Variants in AHNAK observed in about 807,000 individuals in gnomAD.
The protein encoded by AHNAK is AHNAK nucleoprotein, also known as neuroblast differentiation-associated protein AHNAK.
A neutral mutation model predicts 37.8 loss-of-function variants in AHNAK; 23 were observed. That is an observed-to-expected ratio of 0.61 (90% confidence interval 0.44 to 0.86). The LOEUF (loss-of-function observed/expected upper bound fraction) is 0.86. Among genes scored for constraint, AHNAK ranks in the 40% least tolerant of loss-of-function variants. The probability of loss-of-function intolerance (pLI) is 0.00; values close to 1 mark genes in which losing one functional copy is unlikely to be tolerated. For synonymous variants in AHNAK, 2,481 were observed against 2,636.3 expected, an observed-to-expected ratio of 0.94 and a Z score of 1.80; for missense variants, 7,411 against 7,319.4, an observed-to-expected ratio of 1.01 and a Z score of -0.46.
intron 1 of AHNAK, among the ~76,000 whole-genome samples, chr11:62,540,691 G>C (rs1941094214): frequency 6.6e-6 from 1 of 152,204 alleles, no homozygotes; most frequent in Admixed American, 6.5e-5. Flanking sequence ...AGAAGGAGCA[G>C]GGCCAGAGTG....
At chr11:62,501,662 A>G (rs1223956489) in intron 4 of AHNAK, among the ~76,000 whole-genome samples, 2 of 152,272 alleles carry the variant, frequency 1.3e-5, no homozygotes, top group African/African-American at 4.8e-5. Context: ...TCCAGATGCC[A>G]CAAATACTCT....
rs1160341956 is a variant in AHNAK, at chr11:62,527,320, T to C, written c.7097A>G (p.Asn2366Ser). Residue 2366 changes from asparagine (N) to serine (S), a missense_variant, in exon 5 of 5, where the codon AAT becomes AGT. By Grantham distance (46) the Asn-to-Ser change is conservative (BLOSUM62 1). Coordinates refer to ENST00000378024, the MANE Select transcript of AHNAK (RefSeq NM_001620.3). ...GAACTTAGGAGTTTTCCACTTGCCA[T>C]TTGGGCCTTCCACAGCTACTTCTGG... ...DMPEVAVEGP[N>S]GKWKTPKFKM... The C allele has an allele frequency of 6.2e-7, 1 of 1,613,846 alleles. No individual in the cohort carries two copies.
chr11:62,546,405 T>TA (rs928638755), intron 1 of AHNAK, among the ~76,000 whole-genome samples: 3 of 152,126 alleles, frequency 2.0e-5, no homozygotes, highest in East Asian at 1.9e-4. Context: ...TCCGGAGAAA[T>TA]AAAGAGTGGA....
chr11:62,531,985 A>G lies in AHNAK; in HGVS notation c.2432T>C (p.Met811Thr), dbSNP rs1940769292. The G allele has an allele frequency of 3.1e-6, 5 of 1,613,994 alleles. No homozygotes were observed. The Admixed American group carries it at 8.3e-5, about 27-fold the overall frequency. Residue 811 changes from methionine (M) to threonine (T), a missense_variant, in exon 5 of 5, where the codon ATG becomes ACG. Transcript: ENST00000378024. ...LKGPKFKMPEMNIKVPKISMP... is the reference protein window; with the variant it reads ...LKGPKFKMPETNIKVPKISMP... ...GGAGATCTTGGGGACTTTGATGTTC[A>G]TCTCAGGCATCTTAAACTTGGGCCC... is the stretch of plus-strand genomic sequence containing the variant.
In AHNAK at chr11:62,526,727, C is replaced by G. The variant is rs781536197; in HGVS notation, c.7690G>C (p.Gly2564Arg). Residue 2564 changes from glycine (G) to arginine (R), a missense_variant, in exon 5 of 5, where the codon GGG (glycine) becomes CGG (arginine). Gly to Arg is a moderately radical substitution (Grantham distance 125, BLOSUM62 -2). Coordinates refer to ENST00000378024, the MANE Select transcript of AHNAK (RefSeq NM_001620.3). ...ATCTCTGGCATCTTTAACTTAGGCC[C>G]TTTCAACTTTCCCTCTGGTCCTTCA... ...NIEGPEGKLK[G>R]PKLKMPEMNI... 1 of 1,613,722 alleles carries G rather than the reference C, an allele frequency of 6.2e-7. No homozygotes were observed. The highest frequency in any genetic ancestry group is 8.5e-7 in the Non-Finnish European group (1 of 1,179,952).
At chr11:62,453,025 C>T (rs1446101786) in intron 5 of AHNAK, among the ~76,000 whole-genome samples, 1 of 151,966 alleles carries the variant, frequency 6.6e-6, no homozygotes, top group Non-Finnish European at 1.5e-5. Context: ...TCTGTTTCAA[C>T]AAAAAAGGTG....
Position 62,528,607 on chromosome 11 carries a change from T to C in AHNAK, c.5810A>G (p.Lys1937Arg), listed in dbSNP as rs746580843. The change falls in exon 5 of 5, where the codon AAA becomes AGA. Residue 1937 changes from lysine (K) to arginine (R), a missense_variant. Coordinates refer to ENST00000378024, the MANE Select transcript of AHNAK (RefSeq NM_001620.3). ...TGGCACCGACACATCCACATCCCCT[T>C]TGACTTTGGGGCCTTTCAAGTGTAA... ...VDLHLKGPKV[K>R]GDVDVSVPKL... The C allele has an allele frequency of 1.9e-6, 3 of 1,610,080 alleles. No homozygotes were observed. Among genetic ancestry groups the C allele is most frequent in the South Asian group, 2.2e-5 (2 of 90,714 alleles).
intron 4 of AHNAK, among the ~76,000 whole-genome samples, chr11:62,492,604 C>T (rs1190957690): frequency 1.3e-5 from 2 of 152,166 alleles, no homozygotes; most frequent in African/African-American, 4.8e-5. Flanking sequence ...TGCAGTGGCT[C>T]ACACCTGTAA....
chr11:62,518,417 C>T lies in AHNAK; in HGVS notation c.16000G>A (p.Val5334Ile). ...CCTCCCACCTGCATTTTGCCACCGA[C>T]ACCACTGAGGTTGAGCCCTGGAGCA... ...VHAPGLNLSG[V>I]GGKMQVGGDG... is the part of the protein sequence containing the mutation. The change falls in exon 5 of 5, where the codon GTC (valine) becomes ATC (isoleucine). Residue 5334 changes from valine (V) to isoleucine (I), a missense_variant. Transcript: ENST00000378024. 1 of 1,614,170 alleles carries T rather than the reference C, an allele frequency of 6.2e-7. No individual in the cohort carries two copies. The highest frequency in any genetic ancestry group is 2.2e-5 in the East Asian group (1 of 44,876).
In AHNAK at chr11:62,521,552, G is replaced by C. The variant is rs746360412; in HGVS notation, c.12865C>G (p.Pro4289Ala). The part of the protein sequence containing the change: ...LPKVEGDLKG[P>A]EVDIKGPKVD... ...TTGGGGCCCTTGATGTCAACTTCTGGGCCCTTGAGGTCACCTTCCACTTTA... is the reference window on the plus strand; with the variant it reads ...TTGGGGCCCTTGATGTCAACTTCTGCGCCCTTGAGGTCACCTTCCACTTTA... Residue 4289 changes from proline (P) to alanine (A), a missense_variant, in exon 5 of 5, where the codon CCA becomes GCA. Physicochemically the swap from Pro to Ala is conservative, Grantham distance 27. Coordinates refer to ENST00000378024, the MANE Select transcript of AHNAK (RefSeq NM_001620.3). 7 of 1,612,326 alleles carry C rather than the reference G, an allele frequency of 4.3e-6. No homozygotes were observed. The highest frequency in any genetic ancestry group is 1.1e-5 in the South Asian group (1 of 91,000).
chr11:62,486,124 A>T lies in AHNAK; in HGVS notation c.442+5608T>A, dbSNP rs554678652. On this transcript the variant is annotated intron_variant, in intron 5 of 5. Coordinates refer to the AHNAK transcript ENST00000257247. ...AGTGAAGTAAGCTAGACAGAAGAGG[A>T]CAAATACTGTGTCATTCCACTTATA... Among the ~76,000 whole-genome samples, 18 of 152,240 alleles carry T rather than the reference A, an allele frequency of 1.2e-4. No homozygotes were observed. In the East Asian group the frequency reaches 3.5e-3, roughly 29 times the overall value.
At position 62,521,084 on chromosome 11, in the gene AHNAK, G is replaced by A. The variant is rs746933013; in HGVS notation, c.13333C>T (p.Pro4445Ser). ...IEGPEGKLKG[P>S]KFKMPEMNIK... ...TTCATCTCAGGCATCTTAAATTTGG[G>A]CCCCTTCAATTTTCCTTCCGGACCT... The change falls in exon 5 of 5, where the codon CCC becomes TCC. Residue 4445 changes from proline to serine, a missense_variant. Pro to Ser is a moderately conservative substitution (Grantham distance 74). Transcript: ENST00000378024. 1 of 1,613,938 alleles carries A rather than the reference G, an allele frequency of 6.2e-7. No individual in the cohort carries two copies. Among genetic ancestry groups the A allele is most frequent in the Non-Finnish European group, 8.5e-7 (1 of 1,179,994 alleles).
At chr11:62,448,822 C>T (rs1938472451) in intron 5 of AHNAK, among the ~76,000 whole-genome samples, 1 of 152,220 alleles carries the variant, frequency 6.6e-6, no homozygotes. Context: ...ATAATCCCAG[C>T]ACTTTGGGAG....
chr11:62,477,806 A>T (rs1011247846), intron 5 of AHNAK, among the ~76,000 whole-genome samples: 19 of 152,084 alleles, frequency 1.2e-4, no homozygotes, highest in Admixed American at 9.8e-4. Context: ...CATCTCAAAA[A>T]AAAAAAAAAG....
In AHNAK at chr11:62,521,399, G is replaced by A. The variant is rs1339491401; in HGVS notation, c.13018C>T (p.Leu4340Phe). ...GAAATCTCAATGTCAGCCTTAGGAA[G>A]GGTAACATCCACATCTGGGCCCTCT... ...KGEGPDVDVTLPKADIEISGP... is the reference protein window; with the variant it reads ...KGEGPDVDVTFPKADIEISGP... Residue 4340 changes from leucine to phenylalanine, a missense_variant, in exon 5 of 5, where the codon CTT (leucine) becomes TTT (phenylalanine). By Grantham distance (22) the Leu-to-Phe change is conservative. Transcript: ENST00000378024. 2.5e-6 allele frequency: 4 copies of A among 1,614,036 alleles called. No individual in the cohort carries two copies. Among genetic ancestry groups the A allele is most frequent in the Admixed American group, 1.7e-5 (1 of 60,002 alleles).
chr11:62,496,936 G>A (rs948862748), intron 4 of AHNAK, among the ~76,000 whole-genome samples: 3 of 152,122 alleles, frequency 2.0e-5, no homozygotes, highest in African/African-American at 7.2e-5. Flanking sequence ...AAAAATAGAA[G>A]AGCAAATGAC....
chr11:62,532,662 C>T lies in AHNAK; in HGVS notation c.1755G>A (p.Gly585=), dbSNP rs1190068675. 2 of 1,614,046 alleles carry T rather than the reference C, an allele frequency of 1.2e-6. No homozygotes were observed. Among genetic ancestry groups the T allele is most frequent in the South Asian group, 2.2e-5 (2 of 91,062 alleles). ...DLNVAAPKVK[G]GVDVTLPRVE... is the part of the protein sequence containing the mutation. ...CTCTGGGGAGTGTGACATCTACACC[C>T]CCTTTCACTTTAGGTGCGGCCACAT... Residue 585 remains glycine, a synonymous_variant, in exon 5 of 5, where the codon GGG becomes GGA. Transcript: ENST00000378024.
chr11:62,493,332 CTTTTT>C (rs538984724), intron 4 of AHNAK, among the ~76,000 whole-genome samples: 1 of 122,952 alleles, frequency 8.1e-6, no homozygotes, highest in Non-Finnish European at 1.8e-5. Flanking sequence ...TTCTTTCTTT[CTTTTT>C]TTTTTTTTTT....
downstream of AHNAK, among the ~76,000 whole-genome samples, chr11:62,512,631 C>T (rs369068722): frequency 3.9e-5 from 6 of 152,120 alleles, no homozygotes; most frequent in South Asian, 2.1e-4. This position sits in a 1 kb window ranked among gnomAD's most constrained non-coding sequence, Gnocchi z 4.0. Flanking sequence ...GGGCTAAGCG[C>T]GGTGGCTCAT....
Sources: allele counts gnomAD v4.1 joint callset (sites outside exome capture counted in the v4.1 genomes callset), GRCh38; gene constraint gnomAD v4.1.1; non-coding constraint Gnocchi (gnomAD v3.1); transcripts MANE v1.5; gene names NCBI Gene and HGNC (gene_info 2026-07-23, HGNC 2026-07-21).